DHH: variants seen among roughly 807,000 people sequenced by gnomAD.
The protein encoded by DHH is desert hedgehog protein.
In DHH, 16 loss-of-function variants were observed where a neutral mutation model predicts 27.6. That is an observed-to-expected ratio of 0.58 (90% CI 0.39 to 0.88). DHH has a LOEUF of 0.88. Among genes scored for constraint, DHH ranks in the 40% least tolerant of loss-of-function variants. The pLI is 0.00. For synonymous variants in DHH, 289 were observed against 263.4 expected (o/e 1.10, Z -0.94); for missense variants, 436 against 563.1 (o/e 0.77, Z 2.28).
rs1048887138 is a variant in DHH, at chr12:49,090,051, C to T, written c.999G>A (p.Thr333=). The change falls in exon 3 of 3, where the codon ACG becomes ACA. Residue 333 remains threonine, a synonymous_variant. Coordinates refer to ENST00000649637, the MANE Select transcript of DHH (RefSeq NM_021044.4). This position sits in a 1 kb window ranked among gnomAD's most constrained non-coding sequence, Gnocchi z 5.2. ...GVFAPLTAHG[T]LLVNDVLASC... ...AGGCCAGGACATCGTTCACCAGCAG[C>T]GTCCCGTGCGCGGTGAGCGGCGCGA... 1 of 1,543,228 alleles carries T rather than the reference C, an allele frequency of 6.5e-7. No individual in the cohort carries two copies. The highest frequency in any genetic ancestry group is 2.0e-5 in the Admixed American group (1 of 50,564).
rs1028601228 is a variant in DHH at position 49,091,092 on chromosome 12, C to G, written c.565+36G>C. 1 of 1,613,952 alleles carries G rather than the reference C, an allele frequency of 6.2e-7. No individual in the cohort carries two copies. Among genetic ancestry groups the G allele is most frequent in the African/African-American group, 1.3e-5 (1 of 74,940 alleles). On this transcript the variant is annotated intron_variant, in intron 2 of 2. Coordinates refer to ENST00000649637, the MANE Select transcript of DHH (RefSeq NM_021044.4). This position sits in a 1 kb window ranked among gnomAD's most constrained non-coding sequence, Gnocchi z 4.8. ...GACTCAGTTTCCCGGAGGGAGCCCC[C>G]TTTGGGCGGATTTTACCACCCTCCT...
chr12:49,091,530 G>C lies in DHH; in HGVS notation c.304-141C>G. ...GAGTGTCCTGGAGAAATGAGAATCT[G>C]AGTCGATGGTAGTCACCAATCTGCA... On this transcript the variant is annotated intron_variant, in intron 1 of 2. Transcript: ENST00000649637. The surrounding 1 kb of genome is among the most constrained non-coding windows in gnomAD (Gnocchi z 4.8). 1 of 1,282,800 alleles carries C rather than the reference G, an allele frequency of 7.8e-7. No homozygotes were observed. Among genetic ancestry groups the C allele is most frequent in the Non-Finnish European group, 1.1e-6 (1 of 924,050 alleles). The allele number at this position is 1,282,800 out of a possible 1,614,324, so 79.5% of individuals were successfully genotyped here.
intron 1 of DHH, 90 bp downstream of exon 1, chr12:49,094,120 A>G: frequency 1.4e-6 from 2 of 1,412,824 alleles, no homozygotes; most frequent in Non-Finnish European, 2.0e-6. Flanking sequence ...AACTCTCTGT[A>G]GGTGAAGCTG....
intron 1 of DHH, chr12:49,093,354 A>AG (rs1939337642): frequency 2.0e-5 from 3 of 152,308 alleles, no homozygotes; most frequent in Non-Finnish European, 4.4e-5. Flanking sequence ...CAGGAGTTCA[A>AG]GACTAGCCTA....
chr12:49,091,321 T>C lies in DHH; in HGVS notation c.372A>G (p.Arg124=). 6.2e-7 allele frequency: 1 copy of C among 1,614,140 alleles called. No individual in the cohort carries two copies. The highest frequency in any genetic ancestry group is 1.1e-5 in the South Asian group (1 of 91,076). The change falls in exon 2 of 3, where the codon CGA becomes CGG. Residue 124 remains arginine (R), a synonymous_variant. Transcript: ENST00000649637. This position sits in a 1 kb window ranked among gnomAD's most constrained non-coding sequence, Gnocchi z 4.8. ...VMNMWPGVRL[R]VTEGWDEDGH... ...CGTCCTCGTCCCAGCCCTCAGTCAC[T>C]CGTAGGCGCACTCCGGGCCACATGT...
rs1283736461 is a variant in DHH, at chr12:49,090,570, T to A, written c.566-86A>T. ...AGGCCAGCGCAGATATCGCCAGTCA[T>A]GGACAACACAATTTTCCGTTAATCT... On this transcript the variant is annotated intron_variant, in intron 2 of 2. Coordinates refer to ENST00000649637, the MANE Select transcript of DHH (RefSeq NM_021044.4). The surrounding 1 kb of genome is among the most constrained non-coding windows in gnomAD (Gnocchi z 5.2). 5.2e-6 allele frequency: 8 copies of A among 1,541,104 alleles called. No individual in the cohort carries two copies. Among genetic ancestry groups the A allele is most frequent in the Non-Finnish European group, 7.0e-6 (8 of 1,145,358 alleles).
chr12:49,094,339 G>T lies in DHH; in HGVS notation c.174C>A (p.Gly58=), dbSNP rs376829299. The T allele has an allele frequency of 3.5e-5, 57 of 1,612,994 alleles. No homozygotes were observed. The highest frequency in any genetic ancestry group is 1.6e-4 in the Middle Eastern group (1 of 6,074). ...FVPGVPERTL[G]ASGPAEGRVA... is the part of the protein sequence containing the mutation. ...CCCTCCCCTCCGCTGGCCCACTGGC[G>T]CCCAGGGTCCGCTCTGGCACGCCGG... The change falls in exon 1 of 3, where the codon GGC becomes GGA. Residue 58 remains glycine, a synonymous_variant. Transcript: ENST00000649637.
chr12:49,092,406 C>T (rs1406287218), intron 1 of DHH: 1 of 152,302 alleles, frequency 6.6e-6, no homozygotes, highest in Non-Finnish European at 1.5e-5. Context: ...AGTGAGACCA[C>T]AGTTATCTTG....
rs774203455 is a variant in DHH, at chr12:49,091,158, G to C, written c.535C>G (p.Arg179Gly). The C allele has an allele frequency of 1.9e-6, 3 of 1,614,118 alleles. No homozygotes were observed. The highest frequency in any genetic ancestry group is 2.5e-6 in the Non-Finnish European group (3 of 1,180,058). The change falls in exon 2 of 3, where the codon CGC becomes GGC. Residue 179 changes from arginine (R) to glycine (G), a missense_variant. Arg to Gly is a moderately radical substitution (Grantham distance 125). Transcript: ENST00000649637. The surrounding 1 kb of genome is among the most constrained non-coding windows in gnomAD (Gnocchi z 4.8). The stretch of plus-strand genomic sequence containing the variant: ...TTGACCGACACGTGGACGTGGTTGC[G>C]GGACTCGTAGTAGACCCAGTCGAAG... ...AGFDWVYYES[R>G]NHVHVSVKAD...
rs1393040252 is a variant in DHH at position 49,090,327 on chromosome 12, G to A, written c.723C>T (p.Leu241=). 3.2e-5 allele frequency: 52 copies of A among 1,605,350 alleles called. No individual in the cohort carries two copies. The Admixed American group carries it at 8.7e-4, about 27-fold the overall frequency. The change falls in exon 3 of 3, where the codon CTC becomes CTT. Residue 241 remains leucine, a synonymous_variant. Coordinates refer to ENST00000649637, the MANE Select transcript of DHH (RefSeq NM_021044.4). The surrounding 1 kb of genome is among the most constrained non-coding windows in gnomAD (Gnocchi z 5.2). ...SGRVVPTPVL[L]FLDRDLQRRA... The stretch of plus-strand genomic sequence containing the variant: ...GGCGCTGCAAGTCCCGGTCCAGGAA[G>A]AGCAGCACCGGCGTGGGCACCACCC...
In DHH at chr12:49,094,416, GCCGGCCAACCGGCCCCCGGC is replaced by G. The variant is rs1317611425; in HGVS notation, c.77_96del (p.Gly26AlafsTer58). 2 of 1,610,114 alleles carry G rather than the reference GCCGGCCAACCGGCCCCCGGC, an allele frequency of 1.2e-6. No individual in the cohort carries two copies. The highest frequency in any genetic ancestry group is 2.7e-5 in the African/African-American group (2 of 74,976). ...ACGAGCTGCTTGCGCGCATAGCGGC[GCCGGCCAACCGGCCCCCGGC>G]CCGGCCCGCAGCTCTGGGCTGGCAG... On this transcript the variant is annotated frameshift_variant, in exon 1 of 3. Transcript: ENST00000649637. LOFTEE classifies it high-confidence loss of function.
rs1237074991 is a variant in DHH at position 49,087,562 on chromosome 12, G to A, written c.*2297C>T. 2.0e-5 allele frequency among the ~76,000 whole-genome samples: 3 copies of A among 152,146 alleles called. No individual in the cohort carries two copies. The highest frequency in any genetic ancestry group is 4.4e-5 in the Non-Finnish European group (3 of 68,024). ...TACAGAAAATACAAACATTAGCCAG[G>A]CATAGCGGCATGCACCTGTAGTCCC... is the stretch of plus-strand genomic sequence containing the variant. On this transcript the variant is annotated 3_prime_UTR_variant, in exon 3 of 3. Transcript: ENST00000649637.
At chr12:49,094,066 T>A (rs751358253) in intron 1 of DHH, 144 bp downstream of exon 1, 258 of 931,694 alleles carry the variant, frequency 2.8e-4, no homozygotes, top group Middle Eastern at 6.5e-4. Flanking sequence ...TGCAAGGATT[T>A]TTCCCCCCCC....
In DHH at chr12:49,091,172, AC is replaced by A; in HGVS notation, c.520del (p.Val174SerfsTer163). ...GACGTGGTTGCGGGACTCGTAGTAG[AC>A]CCAGTCGAAGCCGGCTTCCACTGCG... ...RLAVEAGFDW[V>X]YYESRNHVHV... is the part of the protein sequence containing the mutation. On this transcript the variant is annotated frameshift_variant, in exon 2 of 3. Transcript: ENST00000649637. LOFTEE classifies it high-confidence loss of function. The surrounding 1 kb of genome is among the most constrained non-coding windows in gnomAD (Gnocchi z 4.8). 3 of 1,614,170 alleles carry A rather than the reference AC, an allele frequency of 1.9e-6. No individual in the cohort carries two copies. Among genetic ancestry groups the A allele is most frequent in the Non-Finnish European group, 2.5e-6 (3 of 1,180,032 alleles).
Position 49,091,184 on chromosome 12 carries a change from C to A in DHH, c.509G>T (p.Gly170Val). 2.5e-6 allele frequency: 4 copies of A among 1,614,240 alleles called. No homozygotes were observed. The highest frequency in any genetic ancestry group is 3.4e-6 in the Non-Finnish European group (4 of 1,180,046). The stretch of plus-strand genomic sequence containing the variant: ...GGACTCGTAGTAGACCCAGTCGAAG[C>A]CGGCTTCCACTGCGAGGCGCGCCAG... Reference protein sequence around the residue: ...GLLARLAVEAGFDWVYYESRN... With the variant: ...GLLARLAVEAVFDWVYYESRN... The change falls in exon 2 of 3, where the codon GGC becomes GTC. Residue 170 changes from glycine (G) to valine (V), a missense_variant. By Grantham distance (109) the Gly-to-Val change is moderately radical. Coordinates refer to ENST00000649637, the MANE Select transcript of DHH (RefSeq NM_021044.4). This position sits in a 1 kb window ranked among gnomAD's most constrained non-coding sequence, Gnocchi z 4.8.
intron 1 of DHH, 81 bp downstream of exon 1, chr12:49,094,129 T>C (rs2120838882): frequency 6.7e-7 from 1 of 1,501,014 alleles, no homozygotes. Flanking sequence ...TAGGTGAAGC[T>C]GGACTCACCC....
chr12:49,091,684 C>T lies in DHH; in HGVS notation c.304-295G>A, dbSNP rs1160659916. Among the ~76,000 whole-genome samples, 2 of 152,180 alleles carry T rather than the reference C, an allele frequency of 1.3e-5. No homozygotes were observed. Among genetic ancestry groups the T allele is most frequent in the Non-Finnish European group, 2.9e-5 (2 of 68,036 alleles). ...CCCTATTGGTTCAGGGACAGCGGCTCAACCTGGGAGAAGGACAGAGTTAGG... is the reference window on the plus strand; with the variant it reads ...CCCTATTGGTTCAGGGACAGCGGCTTAACCTGGGAGAAGGACAGAGTTAGG... On this transcript the variant is annotated intron_variant, in intron 1 of 2. Coordinates refer to ENST00000649637, the MANE Select transcript of DHH (RefSeq NM_021044.4). This position sits in a 1 kb window ranked among gnomAD's most constrained non-coding sequence, Gnocchi z 4.8.
At position 49,090,108 on chromosome 12, in the gene DHH, G is replaced by T; in HGVS notation, c.942C>A (p.Ala314=). The T allele has an allele frequency of 6.6e-7, 1 of 1,514,656 alleles. No homozygotes were observed. The highest frequency in any genetic ancestry group is 8.8e-7 in the Non-Finnish European group (1 of 1,132,082). 93.8% of individuals were successfully genotyped at this position (1,514,656 alleles called of 1,614,324 possible). The change falls in exon 3 of 3, where the codon GCC becomes GCA. Residue 314 remains alanine (A), a synonymous_variant. Coordinates refer to ENST00000649637, the MANE Select transcript of DHH (RefSeq NM_021044.4). The surrounding 1 kb of genome is among the most constrained non-coding windows in gnomAD (Gnocchi z 5.2). ...CCACGGCTTCCTCCCGCGCCACACG[G>T]GCCACGCGCGCTGGCCGAAGCGCAT... ...GGDALRPARV[A]RVAREEAVGV... is the part of the protein sequence containing the mutation.
chr12:49,089,885 G>A lies in DHH; in HGVS notation c.1165C>T (p.Arg389Cys), dbSNP rs1224646652. Residue 389 changes from arginine (R) to cysteine (C), a missense_variant, in exon 3 of 3, where the codon CGC (arginine) becomes TGC (cysteine). Physicochemically the swap from Arg to Cys is radical, Grantham distance 180. Transcript: ENST00000649637. Reference sequence around the variant, plus strand: ...CAGCCCAGTAGCTCCTCCGCTAAGCGGTAGAGGAGCCGAGAGTACCAATGC... The same window carrying A: ...CAGCCCAGTAGCTCCTCCGCTAAGCAGTAGAGGAGCCGAGAGTACCAATGC... Reference protein sequence around the residue: ...GMHWYSRLLYRLAEELLG With the variant: ...GMHWYSRLLYCLAEELLG 1.3e-6 allele frequency: 2 copies of A among 1,585,686 alleles called. No homozygotes were observed. Among genetic ancestry groups the A allele is most frequent in the South Asian group, 2.3e-5 (2 of 87,432 alleles).
Sources: gnomAD v4.1 joint callset for allele counts (sites outside exome capture counted in the v4.1 genomes callset) on GRCh38, gnomAD v4.1.1 for gene constraint, Gnocchi (gnomAD v3.1) non-coding constraint, MANE v1.5 for transcripts, NCBI Gene and HGNC (gene_info 2026-07-23, HGNC 2026-07-21) for gene names.